The following USP7 variants were observed in gnomAD, a reference collection of about 807,000 sequenced individuals.
USP7 encodes ubiquitin specific peptidase 7.
Under a neutral mutation model 162.9 loss-of-function variants are expected in USP7, and 9 were observed. The observed-to-expected ratio is 0.06, with a 90% CI of 0.03 to 0.10. The LOEUF (loss-of-function observed/expected upper bound fraction) is 0.10, where lower values mean the gene tolerates loss of function less well. Ranked by LOEUF, USP7 falls within the 10% of genes least tolerant of loss-of-function variation. The probability of loss-of-function intolerance (pLI) is 1.00; values close to 1 mark genes in which losing one functional copy is unlikely to be tolerated. For missense variants in USP7, 715 were observed against 1,373.7 expected (o/e 0.52, Z 7.58); for synonymous variants, 562 against 475.9 (o/e 1.18, Z -2.35).
chr16:8,902,580 T>C (rs1395881455), intron 16 of USP7, 98 bp from the exon 17 acceptor site: 7 of 984,166 alleles, frequency 7.1e-6, no homozygotes, highest in Admixed American at 5.3e-5. Flanking sequence ...CATATATATA[T>C]ATAGTCAATG....
At chr16:8,931,509 G>C (rs911827862) in intron 1 of USP7, among the ~76,000 whole-genome samples, 1 of 152,206 alleles carries the variant, frequency 6.6e-6, no homozygotes, top group African/African-American at 2.4e-5. Flanking sequence ...CCCTCAAGGT[G>C]TCAGTGGACA....
intron 1 of USP7, among the ~76,000 whole-genome samples, chr16:8,938,302 CTG>C (rs987549494): frequency 1.2e-4 from 18 of 150,608 alleles, no homozygotes; most frequent in African/African-American, 4.4e-4. Flanking sequence ...TTTGAGATAA[CTG>C]TAGATTCACA....
At chr16:8,897,722 A>ACATATATATATAT (rs71155415) in intron 25 of USP7, among the ~76,000 whole-genome samples, 4 of 21,630 alleles carry the variant, frequency 1.8e-4, no homozygotes, top group Admixed American at 9.7e-4. Context: ...AAAAAAAAAA[A>ACATATATATATAT]AAAAATATAT....
rs535276186 is a variant in USP7 at position 8,957,314 on chromosome 16, G to C, written c.79+5893C>G. On this transcript the variant is annotated intron_variant, in intron 1 of 30. Coordinates refer to ENST00000344836, the MANE Select transcript of USP7 (RefSeq NM_003470.3). ...TAGTTCAGAACAAGTAATTTCTAAA[G>C]TAGGTGACATTTAACATCTAACTCT... Among the ~76,000 whole-genome samples the C allele has an allele frequency of 7.9e-5, 12 of 152,298 alleles. No individual in the cohort carries two copies. The East Asian group carries it at 2.3e-3, about 29-fold the overall frequency.
chr16:8,936,459 T>C, intron 1 of USP7: 1 of 991,648 alleles, frequency 1.0e-6, no homozygotes, highest in Non-Finnish European at 1.4e-6. Context: ...TATATAAATT[T>C]TACTGATACA....
chr16:8,921,123 A>C (rs374478291), intron 4 of USP7, 34 bp downstream of exon 4: 3 of 1,607,672 alleles, frequency 1.9e-6, no homozygotes, highest in Non-Finnish European at 2.5e-6. Context: ...GCAGTAATGC[A>C]CCAATTGTTC....
In USP7 at chr16:8,895,655, G is replaced by A. The variant is rs766843328; in HGVS notation, c.2906C>T (p.Thr969Met). Residue 969 changes from threonine (T) to methionine (M), a missense_variant, in exon 27 of 31, where the codon ACG becomes ATG. Around this residue, in one of 11 missense-constraint regions of USP7, gnomAD observed 222 missense variants for 441.7 expected, o/e 0.50. Coordinates refer to ENST00000344836, the MANE Select transcript of USP7 (RefSeq NM_003470.3). ...LECLSPATSR[T>M]FRIEEIPLDQ... is the part of the protein sequence containing the mutation. ...GGGGACAGATACCTCTATTCGAAAC[G>A]TCCGGCTCGTTGCAGGAGATAAACA... The A allele has an allele frequency of 5.0e-6, 8 of 1,612,624 alleles. No homozygotes were observed. Among genetic ancestry groups the A allele is most frequent in the African/African-American group, 1.3e-5 (1 of 74,804 alleles).
At position 8,904,533 on chromosome 16, in the gene USP7, T is replaced by C. The variant is rs1445192569; in HGVS notation, c.1606A>G (p.Ile536Val). The change falls in exon 15 of 31, where the codon ATT (isoleucine) becomes GTT (valine). Residue 536 changes from isoleucine (I) to valine (V), a missense_variant. Ile to Val is a conservative substitution (Grantham distance 29, BLOSUM62 3). This residue lies in a region of USP7 where 197 missense variants were observed against 306.5 expected (regional missense o/e 0.64). Coordinates refer to ENST00000344836, the MANE Select transcript of USP7 (RefSeq NM_003470.3). ...EVLQAVTDHDIPQQLVERLQE... is the reference protein window; with the variant it reads ...EVLQAVTDHDVPQQLVERLQE... ...AATCGCTCCACCAACTGCTGAGGAATATCATGGTCGGTGACCGCCTGTAAA... is the reference window on the plus strand; with the variant it reads ...AATCGCTCCACCAACTGCTGAGGAACATCATGGTCGGTGACCGCCTGTAAA... The C allele has an allele frequency of 6.2e-7, 1 of 1,614,142 alleles. No homozygotes were observed. The highest frequency in any genetic ancestry group is 8.5e-7 in the Non-Finnish European group (1 of 1,180,030).
chr16:8,915,570 G>A (rs1241907175), intron 8 of USP7, 45 bp from the exon 9 acceptor site: 8 of 1,512,270 alleles, frequency 5.3e-6, no homozygotes, highest in Non-Finnish European at 6.4e-6. Context: ...TTTGTACTTA[G>A]TAATATATAC....
chr16:8,958,346 C>G (rs1406042770), intron 1 of USP7, among the ~76,000 whole-genome samples: 1 of 152,182 alleles, frequency 6.6e-6, no homozygotes, highest in Non-Finnish European at 1.5e-5. Context: ...GTGCTGGGAA[C>G]CGGCAGCACC....
chr16:8,899,054 A>C, intron 23 of USP7, 67 bp downstream of exon 23: 2 of 1,511,562 alleles, frequency 1.3e-6, no homozygotes, highest in South Asian at 2.4e-5. Context: ...ATTAGTTCCA[A>C]GATGTTTCAA....
At chr16:8,914,031 C>A (rs531040071) in intron 10 of USP7, among the ~76,000 whole-genome samples, 1 of 152,100 alleles carries the variant, frequency 6.6e-6, no homozygotes, top group African/African-American at 2.4e-5. Flanking sequence ...AGCGACCACA[C>A]CCATCCTCCC....
chr16:8,930,194 AGTACCCAAGGAT>A, intron 2 of USP7, 87 bp downstream of exon 2: 1 of 867,014 alleles, frequency 1.2e-6, no homozygotes, highest in Non-Finnish European at 1.8e-6. Flanking sequence ...TACGCTCAGA[AGTACCCAAGGAT>A]GTACCCAAGA....
rs1567203785 is a variant in USP7 at position 8,894,871 on chromosome 16, A to T, written c.3040-16T>A. On this transcript the variant is annotated splice_polypyrimidine_tract_variant and intron_variant, in intron 28 of 30. Coordinates refer to ENST00000344836, the MANE Select transcript of USP7 (RefSeq NM_003470.3). ...AATGCTCGCCCTAGAATGGCAAAGG[A>T]CATGTGCTCACACAGTCACTCCCAG... 1.9e-6 allele frequency: 3 copies of T among 1,614,020 alleles called. No individual in the cohort carries two copies. In the Admixed American group the frequency reaches 5.0e-5, roughly 27 times the overall value.
chr16:8,924,798 C>G (rs753123835), intron 2 of USP7, among the ~76,000 whole-genome samples: 5 of 152,182 alleles, frequency 3.3e-5, no homozygotes, highest in Non-Finnish European at 7.3e-5. Context: ...GCATGTGTGA[C>G]GGTAAGCACT....
Position 8,901,227 on chromosome 16 carries a change from T to C in USP7, c.2055A>G (p.Val685=). 6.2e-7 allele frequency: 1 copy of C among 1,609,224 alleles called. No individual in the cohort carries two copies. The highest frequency in any genetic ancestry group is 1.7e-5 in the Admixed American group (1 of 59,936). The change falls in exon 19 of 31, where the codon GTA becomes GTG. Residue 685 remains valine (V), a synonymous_variant. Transcript: ENST00000344836. The stretch of plus-strand genomic sequence containing the variant: ...GATCATACATCTTCAAAAATAACAT[T>C]ACATCATCTACAAGGTTAATAAACA... ...TLPKFDKDHD[V]MLFLKMYDPK...
chr16:8,895,501 T>A, intron 27 of USP7, 141 bp downstream of exon 27: 1 of 792,810 alleles, frequency 1.3e-6, no homozygotes, highest in Non-Finnish European at 2.1e-6. Context: ...ACACTGTAGG[T>A]CCACTCATGG....
chr16:8,899,831 T>A (rs577989464), intron 21 of USP7, 74 bp from the exon 22 acceptor site: 2 of 1,536,642 alleles, frequency 1.3e-6, no homozygotes, highest in Admixed American at 3.4e-5. Flanking sequence ...TGGCATCATC[T>A]TTTACACAAC....
intron 3 of USP7, among the ~76,000 whole-genome samples, chr16:8,922,203 G>C (rs1403489645): frequency 6.6e-6 from 1 of 152,196 alleles, no homozygotes; most frequent in Non-Finnish European, 1.5e-5. Context: ...GAAAATGAAA[G>C]TACGGCCAGG....
Sources: allele counts gnomAD v4.1 joint callset (sites outside exome capture counted in the v4.1 genomes callset), GRCh38; gene constraint gnomAD v4.1.1; regional missense constraint gnomAD v4.1.1; transcripts MANE v1.5; gene names NCBI Gene and HGNC (gene_info 2026-07-23, HGNC 2026-07-21).